MROH9: variants seen among roughly 807,000 people sequenced by gnomAD.
MROH9 encodes maestro heat like repeat family member 9, also known as maestro heat-like repeat-containing protein family member 9.
A neutral mutation model predicts 98.2 loss-of-function variants in MROH9; 92 were observed. The observed-to-expected ratio is 0.94, with a 90% CI of 0.79 to 1.11. MROH9 has a LOEUF of 1.11. MROH9 is among the 50% of genes most tolerant of loss of function. The pLI is 0.00. For synonymous variants in MROH9, 397 were observed against 368.9 expected, an observed-to-expected ratio of 1.08 and a Z score of -0.87; for missense variants, 1,057 against 1,014.8, an observed-to-expected ratio of 1.04 and a Z score of -0.57.
intron 15 of MROH9, among the ~76,000 whole-genome samples, chr1:171,009,935 A>T (rs1324550483): frequency 3.9e-5 from 6 of 152,164 alleles, no homozygotes; most frequent in Non-Finnish European, 8.8e-5. Context: ...AAATAATTGT[A>T]ACATTATTTT....
intron 20 of MROH9, among the ~76,000 whole-genome samples, chr1:171,043,626 T>G (rs1653375543): frequency 6.6e-6 from 1 of 152,108 alleles, no homozygotes; most frequent in African/African-American, 2.4e-5. Flanking sequence ...TGGAATTTTT[T>G]TTCATTTCTT....
chr1:171,002,003 G>A (rs891426029), intron 15 of MROH9, among the ~76,000 whole-genome samples: 1 of 152,068 alleles, frequency 6.6e-6, no homozygotes, highest in African/African-American at 2.4e-5. Context: ...GTCCATCTTT[G>A]TCTCTTTTAA....
chr1:170,939,749 A>G (rs1649046765), intron 1 of MROH9, among the ~76,000 whole-genome samples: 1 of 152,186 alleles, frequency 6.6e-6, no homozygotes, highest in South Asian at 2.1e-4. Context: ...AGCAGCTCAG[A>G]TCACATGGTA....
At chr1:170,954,494 TA>T (rs1465900360) in intron 3 of MROH9, among the ~76,000 whole-genome samples, 1 of 152,138 alleles carries the variant, frequency 6.6e-6, no homozygotes, top group Non-Finnish European at 1.5e-5. Flanking sequence ...ATCCTGCTTT[TA>T]TTTTCTTTGG....
At chr1:170,987,412 A>C (rs1039510578) in intron 10 of MROH9, among the ~76,000 whole-genome samples, 54 of 152,192 alleles carry the variant, frequency 3.5e-4, no homozygotes, top group African/African-American at 1.2e-3. Flanking sequence ...TGCACAACGA[A>C]ATCTGGGACT....
At chr1:170,991,960 A>C (rs910700751) in intron 11 of MROH9, among the ~76,000 whole-genome samples, 3 of 152,120 alleles carry the variant, frequency 2.0e-5, no homozygotes, top group African/African-American at 7.2e-5. Context: ...ATAAGGTTTT[A>C]TTTAAATTCT....
intron 8 of MROH9, among the ~76,000 whole-genome samples, chr1:170,980,863 C>G (rs1650902114): frequency 6.6e-6 from 1 of 152,120 alleles, no homozygotes; most frequent in Admixed American, 6.5e-5. Flanking sequence ...TGTTTGCAAT[C>G]TATCCATGTG....
intron 15 of MROH9, among the ~76,000 whole-genome samples, chr1:171,003,153 A>AT (rs893176958): frequency 2.8e-4 from 43 of 151,642 alleles, no homozygotes; most frequent in Admixed American, 5.3e-4. Context: ...TTCTTGTATC[A>AT]TTTTTTGGAT....
chr1:170,992,216 C>T lies in MROH9; in HGVS notation c.1081C>T (p.His361Tyr). 1 of 1,613,398 alleles carries T rather than the reference C, an allele frequency of 6.2e-7. No individual in the cohort carries two copies. The highest frequency in any genetic ancestry group is 8.5e-7 in the Non-Finnish European group (1 of 1,179,604). Residue 361 changes from histidine (H) to tyrosine (Y), a missense_variant, in exon 12 of 22, where the codon CAC (histidine) becomes TAC (tyrosine). Physicochemically the swap from His to Tyr is moderately conservative, Grantham distance 83. Coordinates refer to ENST00000367759, the MANE Select transcript of MROH9 (RefSeq NM_001163629.2). ...ATGTTCTCAGGCGAGCGTGGCCCCT[C>T]ACGTGCTGAAGACAATCTTATTGAT... ...AACSQASVAPHVLKTILLILK... is the reference protein window; with the variant it reads ...AACSQASVAPYVLKTILLILK...
chr1:170,996,697 A>G (rs1557890831), intron 14 of MROH9, 53 bp downstream of exon 14: 5 of 1,564,974 alleles, frequency 3.2e-6, no homozygotes, highest in Non-Finnish European at 3.5e-6. Flanking sequence ...TACCTTCTCC[A>G]ACTTCCTTCA....
At chr1:171,029,581 T>C (rs1652838773) in intron 20 of MROH9, among the ~76,000 whole-genome samples, 1 of 152,260 alleles carries the variant, frequency 6.6e-6, no homozygotes, top group Non-Finnish European at 1.5e-5. Context: ...TTCTGTTTAA[T>C]GTGATGGATT....
chr1:170,982,709 G>C (rs746307052), intron 8 of MROH9, among the ~76,000 whole-genome samples: 4 of 152,032 alleles, frequency 2.6e-5, no homozygotes, highest in Non-Finnish European at 4.4e-5. Context: ...GGGCAACATA[G>C]TGCGACCCTA....
At chr1:170,981,787 A>T (rs1650941707) in intron 8 of MROH9, among the ~76,000 whole-genome samples, 1 of 152,160 alleles carries the variant, frequency 6.6e-6, no homozygotes, top group South Asian at 2.1e-4. Flanking sequence ...CAAATAAAAA[A>T]TAAAAATGGA....
At chr1:170,962,034 C>A in intron 6 of MROH9, 58 bp downstream of exon 6, 1 of 890,756 alleles carries the variant, frequency 1.1e-6, no homozygotes, top group South Asian at 1.8e-5. Flanking sequence ...GCTCACTATG[C>A]TTCACTTTCT....
intron 17 of MROH9, among the ~76,000 whole-genome samples, chr1:171,022,937 T>C (rs1652566316): frequency 6.6e-6 from 1 of 152,210 alleles, no homozygotes; most frequent in South Asian, 2.1e-4. Context: ...CAAGGTCATG[T>C]ATGTGATAAA....
At chr1:171,023,819 T>G (rs1557902408) in intron 17 of MROH9, among the ~76,000 whole-genome samples, 1 of 152,178 alleles carries the variant, frequency 6.6e-6, no homozygotes, top group African/African-American at 2.4e-5. Flanking sequence ...TATACTCTAA[T>G]GTAACTAGAC....
At chr1:170,975,348 T>TA (rs990718349) in intron 8 of MROH9, among the ~76,000 whole-genome samples, 1 of 152,148 alleles carries the variant, frequency 6.6e-6, no homozygotes, top group Non-Finnish European at 1.5e-5. Flanking sequence ...AGATATATTT[T>TA]AGAGATAAGA....
intron 9 of MROH9, 146 bp from the exon 10 acceptor site, chr1:170,986,413 AAG>A: frequency 1.7e-6 from 1 of 596,438 alleles, no homozygotes; most frequent in South Asian, 4.0e-5. Flanking sequence ...TTTTTCATGG[AAG>A]AGAGAGACTC....
chr1:171,061,168 G>A (rs1178135581), intron 20 of MROH9, among the ~76,000 whole-genome samples: 1 of 152,062 alleles, frequency 6.6e-6, no homozygotes, highest in Non-Finnish European at 1.5e-5. Context: ...ATTACAATGT[G>A]ATATTATCAC....
Sources: gnomAD v4.1 joint callset for allele counts (sites outside exome capture counted in the v4.1 genomes callset) on GRCh38, gnomAD v4.1.1 for gene constraint, MANE v1.5 for transcripts, NCBI Gene and HGNC (gene_info 2026-07-23, HGNC 2026-07-21) for gene names.